MAGI2: variants seen among roughly 807,000 people sequenced by gnomAD.
The protein encoded by MAGI2 is membrane-associated guanylate kinase, WW and PDZ domain-containing protein 2.
In MAGI2, 35 loss-of-function variants were observed where a neutral mutation model predicts 133.3. That is an observed-to-expected ratio of 0.26 (90% CI 0.20 to 0.35). MAGI2 has a LOEUF of 0.35. Among genes scored for constraint, MAGI2 ranks in the 10% least tolerant of loss-of-function variants. MAGI2 has a pLI of 1.00. For synonymous variants in MAGI2, 729 were observed against 710.6 expected (o/e 1.03, Z -0.41); for missense variants, 1,636 against 1,863.4 (o/e 0.88, Z 2.25).
chr7:78,758,384 C>T (rs147127363), intron 2 of MAGI2, among the ~76,000 whole-genome samples: 26 of 152,172 alleles, frequency 1.7e-4, no homozygotes, highest in Middle Eastern at 3.4e-3. Context: ...GCATGGTTTC[C>T]ATTTAAAAAT....
chr7:78,443,777 T>C (rs1787857764), intron 6 of MAGI2, among the ~76,000 whole-genome samples: 1 of 152,158 alleles, frequency 6.6e-6, no homozygotes, highest in Admixed American at 6.6e-5. Context: ...CAAGAATTAT[T>C]TGAGTTAGTG....
chr7:79,235,136 AG>A (rs1187352442), intron 1 of MAGI2, among the ~76,000 whole-genome samples: 1 of 151,922 alleles, frequency 6.6e-6, no homozygotes, highest in East Asian at 1.9e-4. Flanking sequence ...CCACTTGAGG[AG>A]GCAGTCTGCC....
chr7:79,451,438 T>C (rs1274792778), intron 1 of MAGI2, among the ~76,000 whole-genome samples: 1 of 152,232 alleles, frequency 6.6e-6, no homozygotes, highest in African/African-American at 2.4e-5. Context: ...TTAGGTATCT[T>C]ATCTTCAAAA....
At chr7:79,136,028 G>GGAAA (rs761493818) in intron 1 of MAGI2, among the ~76,000 whole-genome samples, 3 of 51,610 alleles carry the variant, frequency 5.8e-5, no homozygotes, top group Admixed American at 2.0e-4. Context: ...AAAGAAAGAA[G>GGAAA]GAAAGAAAGA....
chr7:79,241,273 T>C (rs1034560229), intron 1 of MAGI2, among the ~76,000 whole-genome samples: 1 of 152,184 alleles, frequency 6.6e-6, no homozygotes, highest in Non-Finnish European at 1.5e-5. Flanking sequence ...AGAATCATTC[T>C]TTTCTAGTTT....
chr7:79,052,708 GTCTA>G (rs911388997), intron 1 of MAGI2, among the ~76,000 whole-genome samples: 1 of 152,008 alleles, frequency 6.6e-6, no homozygotes, highest in Non-Finnish European at 1.5e-5. Flanking sequence ...CCAAAAATTG[GTCTA>G]TCTTTTATCA....
chr7:78,178,110 A>G lies in MAGI2; in HGVS notation c.2312-8T>C, dbSNP rs1050644201. 5 of 1,576,920 alleles carry G rather than the reference A, an allele frequency of 3.2e-6. No homozygotes were observed. The highest frequency in any genetic ancestry group is 1.7e-5 in the Admixed American group (1 of 59,912). ...ATTCCTTATAATCTGGACCTGGCAT[A>G]AAGGAGATCCCATTGAGTAATGAAT... On this transcript the variant is annotated splice_polypyrimidine_tract_variant and splice_region_variant and intron_variant, in intron 13 of 21. Transcript: ENST00000354212.
At chr7:78,224,538 T>C (rs144361210) in intron 10 of MAGI2, among the ~76,000 whole-genome samples, 2 of 152,146 alleles carry the variant, frequency 1.3e-5, no homozygotes, top group East Asian at 3.9e-4. Context: ...TGGTGGCGTG[T>C]GCCTGTGGTC....
chr7:79,405,243 A>G lies in MAGI2; in HGVS notation c.301+47777T>C, dbSNP rs184875856. On this transcript the variant is annotated intron_variant, in intron 1 of 21. Transcript: ENST00000354212. ...AACTTACAATATCCTTATAGTATCC[A>G]TTTGTTCTTGACACAGCCATGCAAA... Among the ~76,000 whole-genome samples, 319 of 152,280 alleles carry G rather than the reference A, an allele frequency of 2.1e-3. 2 individuals carry two copies. The highest frequency in any genetic ancestry group is 7.0e-3 in the African/African-American group (293 of 41,576).
At chr7:78,287,104 C>T (rs542497154) in intron 9 of MAGI2, among the ~76,000 whole-genome samples, 5 of 152,104 alleles carry the variant, frequency 3.3e-5, no homozygotes, top group South Asian at 2.1e-4. Context: ...GTGGCATAAT[C>T]ATTTTTTAAA....
At chr7:78,024,556 C>G (rs1311816974) in intron 21 of MAGI2, among the ~76,000 whole-genome samples, 1 of 152,208 alleles carries the variant, frequency 6.6e-6, no homozygotes, top group African/African-American at 2.4e-5. Context: ...AACCCACCTG[C>G]AAGACTTATT....
At chr7:78,640,782 T>C (rs944266334) in intron 2 of MAGI2, among the ~76,000 whole-genome samples, 1 of 152,256 alleles carries the variant, frequency 6.6e-6, no homozygotes, top group Non-Finnish European at 1.5e-5. Context: ...CAGAGCATCC[T>C]GTATTTGAAA....
At chr7:78,431,048 T>C (rs1321377769) in intron 6 of MAGI2, among the ~76,000 whole-genome samples, 3 of 150,296 alleles carry the variant, frequency 2.0e-5, no homozygotes, top group African/African-American at 7.5e-5. Flanking sequence ...ATGAGCTGAA[T>C]TGCCTGTTGG....
intron 6 of MAGI2, among the ~76,000 whole-genome samples, chr7:78,376,125 G>A (rs1216414794): frequency 6.6e-6 from 1 of 151,864 alleles, no homozygotes; most frequent in Non-Finnish European, 1.5e-5. Flanking sequence ...TAAAGCTGGG[G>A]GTGTAACTTT....
intron 9 of MAGI2, among the ~76,000 whole-genome samples, chr7:78,288,544 G>A (rs1001138316): frequency 2.0e-5 from 3 of 152,182 alleles, no homozygotes; most frequent in African/African-American, 7.2e-5. Flanking sequence ...GCCCCCAGCA[G>A]GCGCAATGCA....
intron 1 of MAGI2, among the ~76,000 whole-genome samples, chr7:79,258,089 A>C (rs537382956): frequency 6.6e-6 from 1 of 152,136 alleles, no homozygotes; most frequent in Non-Finnish European, 1.5e-5. Flanking sequence ...GGTTTTGTCC[A>C]TATTGATTTT....
intron 2 of MAGI2, among the ~76,000 whole-genome samples, chr7:78,695,680 A>G (rs1203372644): frequency 3.3e-5 from 5 of 152,182 alleles, no homozygotes; most frequent in African/African-American, 7.2e-5. Flanking sequence ...AAACAAACAA[A>G]AAACCCATAT....
chr7:78,729,935 A>G (rs1199946550), intron 2 of MAGI2, among the ~76,000 whole-genome samples: 1 of 152,124 alleles, frequency 6.6e-6, no homozygotes, highest in East Asian at 1.9e-4. Flanking sequence ...AAAATTTAGA[A>G]CTTCTGAGTT....
intron 7 of MAGI2, chr7:78,347,027 C>T (rs1462864958): frequency 6.6e-6 from 1 of 152,210 alleles, no homozygotes; most frequent in African/African-American, 2.4e-5. Context: ...CTTTTAAAGG[C>T]AATGAGACTG....
Sources: allele counts gnomAD v4.1 joint callset (sites outside exome capture counted in the v4.1 genomes callset), GRCh38; gene constraint gnomAD v4.1.1; transcripts MANE v1.5; gene names NCBI Gene and HGNC (gene_info 2026-07-23, HGNC 2026-07-21).